The following AFG2B variants were observed in gnomAD, a reference collection of about 807,000 sequenced individuals.
The protein encoded by AFG2B is ATPase family gene 2 protein homolog B.
chr15:45,414,593 T>G, the AFG2B span: 1 of 1,614,164 alleles, frequency 6.2e-7, no homozygotes, highest in African/African-American at 1.3e-5. Flanking sequence ...CCTCTGAAAT[T>G]CCCTTGGGAA....
At chr15:45,402,966 C>A in the AFG2B span, 4 of 1,595,136 alleles carry the variant, frequency 2.5e-6, no homozygotes, top group Non-Finnish European at 3.4e-6. Context: ...GGCTGGTCAC[C>A]CCTCGTACCC....
the AFG2B span, chr15:45,402,888 G>A: frequency 1.3e-6 from 2 of 1,598,402 alleles, no homozygotes; most frequent in South Asian, 1.1e-5. Flanking sequence ...TGGTCGCTCC[G>A]CCAGGCGCTC....
the AFG2B span, chr15:45,405,581 G>C: frequency 7.0e-7 from 1 of 1,430,018 alleles, no homozygotes; most frequent in Non-Finnish European, 9.6e-7. Context: ...AAAAAAAAGC[G>C]GTGAGTACAT....
At chr15:45,413,261 C>T in the AFG2B span, among the ~76,000 whole-genome samples, 1 of 152,170 alleles carries the variant, frequency 6.6e-6, no homozygotes, top group Admixed American at 6.6e-5. Context: ...TTATGATGAT[C>T]TTGATGTCCA....
the AFG2B span, among the ~76,000 whole-genome samples, chr15:45,410,753 T>TTTA: frequency 6.6e-6 from 1 of 152,188 alleles, no homozygotes; most frequent in South Asian, 2.1e-4. Flanking sequence ...TTGTTTTTGC[T>TTTA]TTAAAGAGTT....
chr15:45,415,983 G>T, the AFG2B span: 1 of 411,554 alleles, frequency 2.4e-6, no homozygotes, highest in South Asian at 6.0e-5. Flanking sequence ...GGAAAGGTGA[G>T]GTACATTTTA....
chr15:45,418,906 T>C, the AFG2B span, among the ~76,000 whole-genome samples: 2 of 152,024 alleles, frequency 1.3e-5, no homozygotes, highest in East Asian at 3.9e-4. Flanking sequence ...AAATATGTAG[T>C]GAGTTGCGGA....
At chr15:45,402,763 G>C in the AFG2B span, 1 of 1,580,878 alleles carries the variant, frequency 6.3e-7, no homozygotes, top group African/African-American at 1.3e-5. Context: ...GCGCGTCGCC[G>C]TGTGGCCGGT....
the AFG2B span, among the ~76,000 whole-genome samples, chr15:45,412,580 T>C: frequency 3.3e-5 from 5 of 152,222 alleles, no homozygotes; most frequent in Non-Finnish European, 7.3e-5. Flanking sequence ...GATAAAAGTA[T>C]AGACACTGAA....
At chr15:45,416,556 GGAGGTATCCAC>G in the AFG2B span, among the ~76,000 whole-genome samples, 1 of 152,148 alleles carries the variant, frequency 6.6e-6, no homozygotes, top group Non-Finnish European at 1.5e-5. Flanking sequence ...ACTAGAATTA[GGAGGTATCCAC>G]GAGGTTATCT....
the AFG2B span, chr15:45,414,656 C>T: frequency 1.2e-6 from 2 of 1,614,192 alleles, no homozygotes; most frequent in African/African-American, 1.3e-5. Flanking sequence ...TATGGGCCCC[C>T]TGGATGTGCT....
the AFG2B span, chr15:45,417,095 T>G: frequency 1.5e-6 from 1 of 658,012 alleles, no homozygotes. Flanking sequence ...GGTTAATGAT[T>G]TGTTTCTGGG....
the AFG2B span, chr15:45,403,228 GC>G: frequency 6.6e-7 from 1 of 1,519,928 alleles, no homozygotes. Flanking sequence ...GGCAGTCAGC[GC>G]CCCGGCGCTG....
At chr15:45,402,785 G>C in the AFG2B span, 44,436 of 1,590,066 alleles carry the variant, frequency 0.028, 8,949 homozygotes, top group African/African-American at 0.48. Context: ...TTGCGAGAGC[G>C]GGCAGGCGCG....
the AFG2B span, chr15:45,402,386 G>A: frequency 1.0e-5 from 16 of 1,555,454 alleles, no homozygotes; most frequent in Non-Finnish European, 1.4e-5. Flanking sequence ...TGGGCCGGGT[G>A]GGTTTCCTAA....
At chr15:45,421,306 C>A in the AFG2B span, 3 of 820,452 alleles carry the variant, frequency 3.7e-6, no homozygotes, top group Non-Finnish European at 5.3e-6. Flanking sequence ...GTTTATATTT[C>A]CTGTAAGTGA....
At chr15:45,409,051 G>T in the AFG2B span, among the ~76,000 whole-genome samples, 4 of 151,992 alleles carry the variant, frequency 2.6e-5, no homozygotes, top group Admixed American at 6.6e-5. Flanking sequence ...ATGAGTACTG[G>T]TTCTTCCTGT....
chr15:45,415,617 GC>G, the AFG2B span: 3 of 1,613,946 alleles, frequency 1.9e-6, no homozygotes, highest in Non-Finnish European at 8.5e-7. Context: ...AAGCACTCCA[GC>G]AATTTTGTTT....
the AFG2B span, among the ~76,000 whole-genome samples, chr15:45,406,068 A>G: frequency 6.6e-6 from 1 of 152,198 alleles, no homozygotes; most frequent in Non-Finnish European, 1.5e-5. Flanking sequence ...TAACCACAGT[A>G]TGATGATCAA....
Sources: gnomAD v4.1 joint callset for allele counts (sites outside exome capture counted in the v4.1 genomes callset) on GRCh38, gnomAD v4.1.1 for gene constraint, MANE v1.5 for transcripts, NCBI Gene and HGNC (gene_info 2026-07-23, HGNC 2026-07-21) for gene names.